BBS9: variants seen among roughly 807,000 people sequenced by gnomAD.
The protein encoded by BBS9 is protein PTHB1.
In BBS9, 89 loss-of-function variants were observed where a neutral mutation model predicts 117.7. The observed-to-expected ratio is 0.76, with a 90% CI of 0.64 to 0.90. The LOEUF is 0.90. Ranked by LOEUF, BBS9 falls within the 40% of genes least tolerant of loss-of-function variation. The pLI is 0.00. For missense variants in BBS9, 982 were observed against 1,042.2 expected (o/e 0.94, Z 0.80); for synonymous variants, 379 against 370.9 (o/e 1.02, Z -0.25).
intron 20 of BBS9, among the ~76,000 whole-genome samples, chr7:33,529,851 T>C (rs1481268166): frequency 6.6e-6 from 1 of 152,238 alleles, no homozygotes; most frequent in Admixed American, 6.5e-5. Flanking sequence ...ACTAGTATGA[T>C]TGATATTTAT....
Position 33,516,592 on chromosome 7 carries a change from G to C in BBS9, c.2298+10947G>C, listed in dbSNP as rs142056466. On this transcript the variant is annotated intron_variant, in intron 20 of 22. Transcript: ENST00000242067. ...GTTTTAATCAAGAGGGAATTTATGAGTGGTTTGAATTGGGGACAGGAAGTT... is the reference window on the plus strand; with the variant it reads ...GTTTTAATCAAGAGGGAATTTATGACTGGTTTGAATTGGGGACAGGAAGTT... 1.3e-3 allele frequency among the ~76,000 whole-genome samples: 193 copies of C among 151,712 alleles called. 2 individuals carry two copies. The East Asian group carries it at 0.025, about 20-fold the overall frequency.
chr7:33,294,896 T>A (rs1804938088), intron 9 of BBS9, among the ~76,000 whole-genome samples: 1 of 152,184 alleles, frequency 6.6e-6, no homozygotes, highest in African/African-American at 2.4e-5. Context: ...TAAATTTATT[T>A]TGCCAAATGC....
Position 33,336,536 on chromosome 7 carries a change from T to C in BBS9, c.1112T>C (p.Val371Ala), listed in dbSNP as rs138436479. 1.4e-4 allele frequency: 223 copies of C among 1,613,440 alleles called. No homozygotes were observed. The highest frequency in any genetic ancestry group is 3.3e-4 in the Middle Eastern group (2 of 6,078). ...CCTTCTCTGTTCCAAGCTCCAAACG[T>C]TCAATCTCGAGAACTAAACTATGAT... is the stretch of plus-strand genomic sequence containing the variant. ...TDPSLFQAPN[V>A]QSRELNYDEL... The change falls in exon 10 of 23, where the codon GTT (valine) becomes GCT (alanine). Residue 371 changes from valine to alanine, a missense_variant. Val to Ala is a moderately conservative substitution (Grantham distance 64). Coordinates refer to ENST00000242067, the MANE Select transcript of BBS9 (RefSeq NM_198428.3).
Position 33,398,256 on chromosome 7 carries a change from A to G in BBS9, c.2115+10112A>G, listed in dbSNP as rs528281805. ...TGTAGTCATGGAACTCCTGTTCTTC[A>G]TTGGTATTTCTGAGGGAGCCGTTTT... On this transcript the variant is annotated intron_variant, in intron 19 of 22. Transcript: ENST00000242067. Among the ~76,000 whole-genome samples, 7 of 152,306 alleles carry G rather than the reference A, an allele frequency of 4.6e-5. No individual in the cohort carries two copies. The East Asian group carries it at 1.4e-3, about 29-fold the overall frequency.
chr7:33,192,209 C>T (rs972907525), intron 5 of BBS9, among the ~76,000 whole-genome samples: 1 of 152,056 alleles, frequency 6.6e-6, no homozygotes, highest in African/African-American at 2.4e-5. Context: ...AATGGAAAAG[C>T]CTTTACTTTA....
Position 33,351,284 on chromosome 7 carries a change from T to C in BBS9, c.1498T>C (p.Leu500=), listed in dbSNP as rs751700178. The change falls in exon 14 of 23, where the codon TTG becomes CTG. Residue 500 remains leucine (L), a synonymous_variant. Coordinates refer to ENST00000242067, the MANE Select transcript of BBS9 (RefSeq NM_198428.3). The part of the protein sequence containing the change: ...YLKRSYTPSE[L]EGNAVVSYSR... ...GAAAAGAAGTTATACACCATCAGAA[T>C]TGGAAGGAAATGCTGTTGTTTCTTA... The C allele has an allele frequency of 2.5e-6, 4 of 1,613,172 alleles. No homozygotes were observed. Among genetic ancestry groups the C allele is most frequent in the East Asian group, 4.5e-5 (2 of 44,790 alleles).
chr7:33,568,574 G>C (rs1201506080), intron 21 of BBS9, among the ~76,000 whole-genome samples: 1 of 152,170 alleles, frequency 6.6e-6, no homozygotes, highest in African/African-American at 2.4e-5. Flanking sequence ...GCTATTTCTT[G>C]AGTTGAGTGT....
intron 21 of BBS9, among the ~76,000 whole-genome samples, chr7:33,613,621 C>T (rs7787402): frequency 0.36 from 54,360 of 151,690 alleles, 12,784 homozygotes; most frequent in African/African-American, 0.66. Context: ...AAACCTCATT[C>T]GCTTAAGTGG....
At chr7:33,344,801 C>T (rs1284830791) in intron 12 of BBS9, among the ~76,000 whole-genome samples, 167 bp downstream of exon 12, 2 of 152,134 alleles carry the variant, frequency 1.3e-5, no homozygotes, top group Non-Finnish European at 2.9e-5. Context: ...TTTACTGTTA[C>T]TTGCAAATAT....
intron 19 of BBS9, among the ~76,000 whole-genome samples, chr7:33,458,122 C>T (rs1026183993): frequency 2.0e-5 from 3 of 152,134 alleles, no homozygotes; most frequent in Non-Finnish European, 2.9e-5. Flanking sequence ...TGACTCTGTG[C>T]ACTTTTTTGT....
intron 5 of BBS9, among the ~76,000 whole-genome samples, chr7:33,206,597 T>C (rs1214436299): frequency 6.6e-6 from 1 of 152,162 alleles, no homozygotes; most frequent in Non-Finnish European, 1.5e-5. Flanking sequence ...CTCATGTGTG[T>C]ACATTTTTCC....
intron 5 of BBS9, among the ~76,000 whole-genome samples, chr7:33,181,376 T>A (rs749509033): frequency 2.6e-5 from 4 of 152,220 alleles, no homozygotes; most frequent in Admixed American, 6.5e-5. Context: ...GGATTACAGA[T>A]GTGAGGCACC....
intron 2 of BBS9, among the ~76,000 whole-genome samples, chr7:33,148,284 A>C (rs1252996887): frequency 6.6e-6 from 1 of 152,172 alleles, no homozygotes; most frequent in Non-Finnish European, 1.5e-5. Context: ...TTGAAATAAG[A>C]GGGGAGGAGG....
intron 19 of BBS9, among the ~76,000 whole-genome samples, chr7:33,461,859 T>TTTA (rs1292834977): frequency 6.6e-6 from 1 of 152,026 alleles, no homozygotes; most frequent in Non-Finnish European, 1.5e-5. Context: ...TTTGGACCCT[T>TTTA]TTAACTTCAC....
chr7:33,387,843 A>G, intron 18 of BBS9, 149 bp from the exon 19 acceptor site: 2 of 882,570 alleles, frequency 2.3e-6, no homozygotes, highest in South Asian at 1.6e-5. Context: ...TTCATGTACC[A>G]AATACCACAT....
At chr7:33,146,101 T>C in intron 1 of BBS9, 141 bp from the exon 2 acceptor site, 1 of 621,740 alleles carries the variant, frequency 1.6e-6, no homozygotes, top group South Asian at 1.9e-5. Flanking sequence ...GGATTTGTGG[T>C]TTCAAATATG....
intron 21 of BBS9, among the ~76,000 whole-genome samples, chr7:33,620,840 A>G (rs1865369777): frequency 2.0e-5 from 3 of 152,226 alleles, no homozygotes; most frequent in Admixed American, 6.5e-5. Context: ...TTTAAAATAT[A>G]CTACAAAGCT....
At chr7:33,377,575 A>T (rs1420194808) in intron 17 of BBS9, among the ~76,000 whole-genome samples, 2 of 152,092 alleles carry the variant, frequency 1.3e-5, no homozygotes, top group Non-Finnish European at 2.9e-5. Flanking sequence ...TGGTAGTTTA[A>T]TTGGAATAGT....
chr7:33,167,258 C>A (rs572844973), intron 4 of BBS9, among the ~76,000 whole-genome samples: 26 of 152,220 alleles, frequency 1.7e-4, no homozygotes, highest in Admixed American at 1.5e-3. Flanking sequence ...GGAGTTCGTT[C>A]ACATTGTATA....
Sources: gnomAD v4.1 joint callset for allele counts (sites outside exome capture counted in the v4.1 genomes callset) on GRCh38, gnomAD v4.1.1 for gene constraint, MANE v1.5 for transcripts, NCBI Gene and HGNC (gene_info 2026-07-23, HGNC 2026-07-21) for gene names.